The following KCNQ3 variants were observed in gnomAD, a reference collection of about 807,000 sequenced individuals.
KCNQ3 encodes potassium voltage-gated channel subfamily KQT member 3.
Under a neutral mutation model 92.5 loss-of-function variants are expected in KCNQ3, and 30 were observed. The ratio of observed to expected loss-of-function variants is 0.32; its 90% CI spans 0.24 to 0.44. The LOEUF (loss-of-function observed/expected upper bound fraction) is 0.44, where lower values mean the gene tolerates loss of function less well. KCNQ3 is among the 20% of genes least tolerant of loss of function. KCNQ3 has a pLI of 1.00. For synonymous variants in KCNQ3, 450 were observed against 468.8 expected (o/e 0.96, Z 0.52); for missense variants, 913 against 1,140.3 (o/e 0.80, Z 2.87).
chr8:132,414,765 A>T (rs1407033998), intron 1 of KCNQ3, among the ~76,000 whole-genome samples: 10 of 152,236 alleles, frequency 6.6e-5, no homozygotes. Flanking sequence ...GCAAACAAAC[A>T]CTGTGCGTGA....
intron 1 of KCNQ3, among the ~76,000 whole-genome samples, chr8:132,270,250 T>A (rs1267812641): frequency 6.6e-6 from 1 of 152,212 alleles, no homozygotes; most frequent in East Asian, 1.9e-4. Context: ...AGATTGAAAC[T>A]AGTGGTGGGG....
chr8:132,235,332 G>A (rs567839926), intron 1 of KCNQ3, among the ~76,000 whole-genome samples: 13 of 152,134 alleles, frequency 8.5e-5, no homozygotes, highest in South Asian at 4.1e-4. Context: ...GTGAAACCCC[G>A]TCTCTACTAA....
intron 1 of KCNQ3, among the ~76,000 whole-genome samples, chr8:132,432,258 T>C (rs902604833): frequency 5.7e-4 from 87 of 151,518 alleles, no homozygotes; most frequent in Admixed American, 5.3e-3. Context: ...ATCGAATTAA[T>C]CAGGATCAGG....
intron 1 of KCNQ3, among the ~76,000 whole-genome samples, chr8:132,329,129 C>T (rs760521099): frequency 1.3e-5 from 2 of 152,176 alleles, no homozygotes; most frequent in Non-Finnish European, 2.9e-5. Flanking sequence ...AGACAATACA[C>T]AAATAAGCAA....
intron 1 of KCNQ3, among the ~76,000 whole-genome samples, chr8:132,422,643 T>A (rs942423567): frequency 6.6e-6 from 1 of 152,206 alleles, no homozygotes; most frequent in East Asian, 1.9e-4. Flanking sequence ...GCACTGGGCC[T>A]GACTGGCTCC....
intron 1 of KCNQ3, among the ~76,000 whole-genome samples, chr8:132,263,109 A>G (rs1228053445): frequency 6.6e-6 from 1 of 152,108 alleles, no homozygotes; most frequent in Non-Finnish European, 1.5e-5. Flanking sequence ...ACTGAGCGCA[A>G]TTAAGCTGGC....
intron 1 of KCNQ3, among the ~76,000 whole-genome samples, chr8:132,473,982 G>A (rs1191365536): frequency 1.3e-5 from 2 of 152,148 alleles, no homozygotes; most frequent in Non-Finnish European, 2.9e-5. Flanking sequence ...GCAGTCAGTG[G>A]GTATTTCTTG....
intron 1 of KCNQ3, among the ~76,000 whole-genome samples, chr8:132,468,162 G>A (rs2130864018): frequency 6.6e-6 from 1 of 152,314 alleles, no homozygotes; most frequent in South Asian, 2.1e-4. Flanking sequence ...TTTTCAGATT[G>A]GCATTACCAG....
intron 1 of KCNQ3, among the ~76,000 whole-genome samples, chr8:132,363,994 G>A (rs887344361): frequency 6.6e-6 from 1 of 151,922 alleles, no homozygotes; most frequent in Admixed American, 6.6e-5. Context: ...TGAAGTTTGT[G>A]TTCTGTTCTT....
intron 1 of KCNQ3, among the ~76,000 whole-genome samples, chr8:132,236,358 A>G (rs1814814663): frequency 6.6e-6 from 1 of 152,222 alleles, no homozygotes; most frequent in Non-Finnish European, 1.5e-5. Flanking sequence ...AAACACACGA[A>G]GCAAACAACA....
At chr8:132,468,322 C>A (rs1204873130) in intron 1 of KCNQ3, among the ~76,000 whole-genome samples, 1 of 152,150 alleles carries the variant, frequency 6.6e-6, no homozygotes, top group African/African-American at 2.4e-5. Context: ...ATGGCCTGGG[C>A]TAGATGAGTA....
chr8:132,347,553 G>A (rs1006327771), intron 1 of KCNQ3, among the ~76,000 whole-genome samples: 1 of 152,168 alleles, frequency 6.6e-6, no homozygotes, highest in East Asian at 1.9e-4. Flanking sequence ...GCTGTGAGGT[G>A]AAAGGACAGG....
chr8:132,192,248 G>T (rs1827183451), intron 1 of KCNQ3, among the ~76,000 whole-genome samples: 1 of 152,166 alleles, frequency 6.6e-6, no homozygotes, highest in South Asian at 2.1e-4. Flanking sequence ...CGCCTCACCA[G>T]CAACCGCAGG....
intron 1 of KCNQ3, among the ~76,000 whole-genome samples, chr8:132,365,314 G>C (rs1195884954): frequency 6.6e-6 from 1 of 152,248 alleles, no homozygotes; most frequent in African/African-American, 2.4e-5. Flanking sequence ...TTGTGTGAGA[G>C]GCGTGTTAGA....
intron 1 of KCNQ3, among the ~76,000 whole-genome samples, chr8:132,213,341 A>G (rs62519647): frequency 0.032 from 4,870 of 152,216 alleles, 135 homozygotes; most frequent in Non-Finnish European, 0.048. Context: ...TCCTTCTGCA[A>G]TTTCTAATTG....
rs550250558 is a variant in KCNQ3, at chr8:132,339,940, G to A, written c.386+140207C>T. ...TCTCTGTAAAGAAATTTACTCTTCT[G>A]AGTGCGGGCAACAAACATAAAAAAA... is the stretch of plus-strand genomic sequence containing the variant. On this transcript the variant is annotated intron_variant, in intron 1 of 14. Transcript: ENST00000388996. Among the ~76,000 whole-genome samples the A allele has an allele frequency of 2.0e-5, 3 of 151,476 alleles. No homozygotes were observed. In the East Asian group the frequency reaches 5.8e-4, roughly 29 times the overall value.
intron 1 of KCNQ3, among the ~76,000 whole-genome samples, chr8:132,424,969 C>T (rs1023887839): frequency 6.6e-6 from 1 of 152,200 alleles, no homozygotes; most frequent in Non-Finnish European, 1.5e-5. Context: ...TTCATATCCA[C>T]GGGTTCCAGT....
intron 1 of KCNQ3, among the ~76,000 whole-genome samples, chr8:132,340,688 T>A (rs1818504084): frequency 6.6e-6 from 1 of 152,084 alleles, no homozygotes; most frequent in African/African-American, 2.4e-5. Flanking sequence ...AACACCTAGA[T>A]GATGGGTTGA....
In KCNQ3 at chr8:132,172,667, G is replaced by C. The variant is rs17575754; in HGVS notation, c.1071C>G (p.Leu357=). The C allele has an allele frequency of 0.063, 102,009 of 1,613,580 alleles. 3,671 individuals carry two copies. Among genetic ancestry groups the C allele is most frequent in the Non-Finnish European group, 0.072 (85,146 of 1,179,776 alleles). The change falls in exon 7 of 15, where the codon CTC becomes CTG. Residue 357 remains leucine (L), a synonymous_variant. Coordinates refer to ENST00000388996, the MANE Select transcript of KCNQ3 (RefSeq NM_004519.4). ...TCTGACGGTGTTGCTCCTGCACCTT[G>C]AGGGCCAGCCCGGACCCCAGGATGC... The part of the protein sequence containing the change: ...PAGILGSGLA[L]KVQEQHRQKH...
Sources: gnomAD v4.1 joint callset for allele counts (sites outside exome capture counted in the v4.1 genomes callset) on GRCh38, gnomAD v4.1.1 for gene constraint, MANE v1.5 for transcripts, NCBI Gene and HGNC (gene_info 2026-07-23, HGNC 2026-07-21) for gene names.